The following POC1B variants were observed in gnomAD, a reference collection of about 807,000 sequenced individuals.
POC1B encodes the protein POC1 centriolar protein B, also known as POC1 centriolar protein homolog B.
Under a neutral mutation model 60.6 loss-of-function variants are expected in POC1B, and 44 were observed. The ratio of observed to expected loss-of-function variants is 0.73; its 90% CI spans 0.57 to 0.93. POC1B has a LOEUF of 0.93. Among genes scored for constraint, POC1B ranks in the 40% least tolerant of loss-of-function variants. The pLI, the probability that POC1B is intolerant of heterozygous loss-of-function variation, is 0.00. For synonymous variants in POC1B, 180 were observed against 198.9 expected, an observed-to-expected ratio of 0.90 and a Z score of 0.80; for missense variants, 555 against 572.3, an observed-to-expected ratio of 0.97 and a Z score of 0.31.
chr12:89,521,476 C>T lies in POC1B; in HGVS notation c.100+3644G>A, dbSNP rs551618753. On this transcript the variant is annotated intron_variant, in intron 2 of 11. Coordinates refer to ENST00000313546, the MANE Select transcript of POC1B (RefSeq NM_172240.3). ...CTGGACTGAACATTGCTCAACTGCT[C>T]AACAACATTACCTATGTCAAAAGTG... is the stretch of plus-strand genomic sequence containing the variant. 14 of 152,324 alleles carry T rather than the reference C, an allele frequency of 9.2e-5. No individual in the cohort carries two copies. The South Asian group carries it at 2.9e-3, about 32-fold the overall frequency. The allele number at this position is 152,324 out of a possible 1,614,324, so 9.4% of individuals were successfully genotyped here.
At chr12:89,448,985 T>C (rs1881921380) in intron 10 of POC1B, among the ~76,000 whole-genome samples, 1 of 152,240 alleles carries the variant, frequency 6.6e-6, no homozygotes, top group East Asian at 1.9e-4. Flanking sequence ...TTTCCGTTTT[T>C]TTCCCCACAA....
chr12:89,427,271 G>T (rs1291094500), intron 10 of POC1B: 3 of 152,160 alleles, frequency 2.0e-5, no homozygotes, highest in Admixed American at 6.5e-5. Flanking sequence ...TTTTGACAAG[G>T]TTGCCAAGAC....
rs773818295 is a variant in POC1B at position 89,523,293 on chromosome 12, C to T, written c.100+1827G>A. 9 of 1,613,970 alleles carry T rather than the reference C, an allele frequency of 5.6e-6. No individual in the cohort carries two copies. The Admixed American group carries it at 1.5e-4, about 27-fold the overall frequency. Reference sequence around the variant, plus strand: ...AATACCAGTCAAAGCTCTTGCATCTCAACCGCTCTCGTAGTAATTTTCTTT... The same window carrying T: ...AATACCAGTCAAAGCTCTTGCATCTTAACCGCTCTCGTAGTAATTTTCTTT... On this transcript the variant is annotated intron_variant, in intron 2 of 11. Transcript: ENST00000313546.
chr12:89,470,553 C>A (rs1219474712), intron 6 of POC1B, 59 bp from the exon 7 acceptor site: 2 of 1,385,518 alleles, frequency 1.4e-6, no homozygotes, highest in South Asian at 1.6e-5. Context: ...TTTGAAGATA[C>A]CCCAGTGCCT....
intron 4 of POC1B, among the ~76,000 whole-genome samples, chr12:89,482,104 T>C (rs1467247799): frequency 2.0e-5 from 3 of 152,182 alleles, no homozygotes; most frequent in Admixed American, 6.5e-5. Context: ...AGATATGGCA[T>C]AGATGTTGGA....
intron 1 of POC1B, 182 bp downstream of exon 1, chr12:89,525,699 G>A (rs1871413286): frequency 8.0e-7 from 1 of 1,251,524 alleles, no homozygotes; most frequent in African/African-American, 1.6e-5. Flanking sequence ...TCTGGGTTCC[G>A]CACTCCGTCC....
intron 2 of POC1B, among the ~76,000 whole-genome samples, chr12:89,502,881 A>G (rs1250610476): frequency 4.6e-5 from 7 of 152,156 alleles, no homozygotes; most frequent in African/African-American, 7.2e-5. Flanking sequence ...GGTAACTATT[A>G]TAACATCAAA....
intron 10 of POC1B, among the ~76,000 whole-genome samples, chr12:89,446,983 C>G (rs987162153): frequency 6.6e-6 from 1 of 152,128 alleles, no homozygotes; most frequent in Admixed American, 6.6e-5. Context: ...GATATAAACT[C>G]CGTGACTGTC....
chr12:89,498,482 G>A (rs928091772), intron 2 of POC1B, among the ~76,000 whole-genome samples: 2 of 152,116 alleles, frequency 1.3e-5, no homozygotes, highest in Non-Finnish European at 2.9e-5. Context: ...TTATAAATTC[G>A]AACACAATTA....
At chr12:89,416,606 G>A (rs116455957), downstream of POC1B, among the ~76,000 whole-genome samples, 962 of 152,298 alleles carry the variant, frequency 6.3e-3, 9 homozygotes, top group African/African-American at 0.021. Context: ...TTTAGCAGTG[G>A]AGGGGGATGG....
chr12:89,502,579 G>A (rs1869629787), intron 2 of POC1B: 2 of 1,214,106 alleles, frequency 1.6e-6, no homozygotes, highest in East Asian at 4.8e-5. Context: ...ATCCTTTGCA[G>A]CCAGCAATGG....
At chr12:89,462,150 A>G (rs1235976702) in intron 9 of POC1B, among the ~76,000 whole-genome samples, 2 of 152,190 alleles carry the variant, frequency 1.3e-5, no homozygotes, top group East Asian at 1.9e-4. Flanking sequence ...TTGCTGCCAC[A>G]TAAGTTAAAT....
chr12:89,520,243 T>G (rs1279833175), intron 2 of POC1B: 1 of 152,130 alleles, frequency 6.6e-6, no homozygotes, highest in African/African-American at 2.4e-5. Context: ...CAATAAAGAA[T>G]TAAGGTACTT....
At chr12:89,498,693 C>G (rs1869383596) in intron 2 of POC1B, among the ~76,000 whole-genome samples, 1 of 152,110 alleles carries the variant, frequency 6.6e-6, no homozygotes, top group African/African-American at 2.4e-5. Flanking sequence ...CAGAGCTTAT[C>G]CAAATTACTA....
At chr12:89,419,067 C>T (rs1216823159), downstream of POC1B, among the ~76,000 whole-genome samples, 1 of 151,768 alleles carries the variant, frequency 6.6e-6, no homozygotes, top group Non-Finnish European at 1.5e-5. Context: ...AAGAGGATTC[C>T]ACGTCTTCAG....
At chr12:89,523,811 C>T (rs775343682) in intron 2 of POC1B, 3 of 1,534,996 alleles carry the variant, frequency 2.0e-6, no homozygotes, top group Admixed American at 4.4e-5. Flanking sequence ...GCTGTTTCAT[C>T]TCTCCCAATC....
the POC1B span, among the ~76,000 whole-genome samples, chr12:89,408,825 G>A: frequency 2.0e-5 from 3 of 152,158 alleles, no homozygotes; most frequent in Non-Finnish European, 4.4e-5. Flanking sequence ...TCTAACTGGT[G>A]TGAGATGGTA....
rs1880500802 is a variant in POC1B, at chr12:89,420,889, C to T, written c.*264G>A. On this transcript the variant is annotated 3_prime_UTR_variant, in exon 12 of 12. Transcript: ENST00000313546. ...CATTTAAAATAATATGGGGAAAATA[C>T]AGAGTTGCTTGAATGCTTATCACTT... The T allele has an allele frequency of 3.1e-6, 1 of 324,042 alleles. No individual in the cohort carries two copies. The highest frequency in any genetic ancestry group is 4.8e-5 in the East Asian group (1 of 20,862). 20.1% of individuals were successfully genotyped at this position (324,042 alleles called of 1,614,324 possible).
intron 4 of POC1B, among the ~76,000 whole-genome samples, chr12:89,476,353 T>C (rs1592612792): frequency 6.6e-6 from 1 of 152,212 alleles, no homozygotes; most frequent in South Asian, 2.1e-4. Context: ...TCTATATTCA[T>C]AGTCATAGTT....
Sources: gnomAD v4.1 joint callset for allele counts (sites outside exome capture counted in the v4.1 genomes callset) on GRCh38, gnomAD v4.1.1 for gene constraint, MANE v1.5 for transcripts, NCBI Gene and HGNC (gene_info 2026-07-23, HGNC 2026-07-21) for gene names.